The following CMIP variants were observed in gnomAD, a reference collection of about 807,000 sequenced individuals.
The protein encoded by CMIP is c-Maf inducing protein.
In CMIP, 13 loss-of-function variants were observed where a neutral mutation model predicts 97.3. That is an observed-to-expected ratio of 0.13 (90% confidence interval 0.09 to 0.21). The LOEUF (loss-of-function observed/expected upper bound fraction) is 0.21, where lower values mean the gene tolerates loss of function less well. CMIP is among the 10% of genes least tolerant of loss of function. The pLI is 1.00. For synonymous variants in CMIP, 538 were observed against 436.3 expected, an observed-to-expected ratio of 1.23 and a Z score of -2.91; for missense variants, 847 against 1,024.9, an observed-to-expected ratio of 0.83 and a Z score of 2.37.
In CMIP at chr16:81,445,261, C is replaced by T; in HGVS notation, c.20C>T (p.Ser7Leu). The T allele has an allele frequency of 1.3e-6, 2 of 1,536,792 alleles. No homozygotes were observed. Among genetic ancestry groups the T allele is most frequent in the East Asian group, 2.5e-5 (1 of 40,718 alleles). MDVTSS[S>L]GGGGDPRQIE... is the part of the protein sequence containing the mutation. Reference sequence around the variant, plus strand: ...GCGGCCATGGATGTGACCAGCAGCTCGGGCGGCGGCGGCGACCCCCGGCAG... The same window carrying T: ...GCGGCCATGGATGTGACCAGCAGCTTGGGCGGCGGCGGCGACCCCCGGCAG... The change falls in exon 1 of 21, where the codon TCG becomes TTG. Residue 7 changes from serine (S) to leucine (L), a missense_variant. This residue lies in a region of CMIP where 94 missense variants were observed against 79.9 expected (regional missense o/e 1.18). Coordinates refer to ENST00000537098, the MANE Select transcript of CMIP (RefSeq NM_198390.3).
chr16:81,663,820 T>A (rs919470426), intron 6 of CMIP, among the ~76,000 whole-genome samples: 21 of 152,094 alleles, frequency 1.4e-4, no homozygotes, highest in Admixed American at 4.6e-4. Flanking sequence ...CTTTACCCCC[T>A]GCCCAGGGAG....
At chr16:81,510,807 C>G (rs144877204) in intron 1 of CMIP, among the ~76,000 whole-genome samples, 4 of 152,260 alleles carry the variant, frequency 2.6e-5, no homozygotes, top group African/African-American at 9.6e-5. Context: ...GCAACCTCCA[C>G]CTCCCAGGTT....
intron 3 of CMIP, among the ~76,000 whole-genome samples, chr16:81,633,146 C>A (rs1005102852): frequency 6.6e-6 from 1 of 152,212 alleles, no homozygotes; most frequent in Non-Finnish European, 1.5e-5. Context: ...TTCTTTTTCT[C>A]GCCCTTTAAA....
intron 1 of CMIP, among the ~76,000 whole-genome samples, chr16:81,460,392 C>T (rs1278207461): frequency 3.9e-5 from 6 of 152,152 alleles, no homozygotes; most frequent in Non-Finnish European, 7.4e-5. Flanking sequence ...CCAGGTTTTT[C>T]TGTAACTGCT....
intron 1 of CMIP, among the ~76,000 whole-genome samples, chr16:81,450,105 G>T (rs1008008315): frequency 6.6e-6 from 1 of 152,188 alleles, no homozygotes; most frequent in Non-Finnish European, 1.5e-5. Flanking sequence ...CATTTCTGGG[G>T]CACTGTCCTG....
chr16:81,532,720 G>T (rs948764460), intron 1 of CMIP, among the ~76,000 whole-genome samples: 2 of 152,220 alleles, frequency 1.3e-5, no homozygotes, highest in Admixed American at 6.5e-5. Context: ...TGACATCAGA[G>T]TGTTGGGATG....
At chr16:81,656,213 A>G (rs1295953406) in intron 4 of CMIP, among the ~76,000 whole-genome samples, 1 of 152,202 alleles carries the variant, frequency 6.6e-6, no homozygotes, top group Non-Finnish European at 1.5e-5. Flanking sequence ...GGCCTCCCGC[A>G]GCCCTCGGGA....
At chr16:81,646,847 A>T (rs1310237181) in intron 3 of CMIP, among the ~76,000 whole-genome samples, 1 of 152,200 alleles carries the variant, frequency 6.6e-6, no homozygotes, top group Non-Finnish European at 1.5e-5. Context: ...TTGAATGGCT[A>T]TACCACATCT....
At position 81,495,784 on chromosome 16, in the gene CMIP, C is replaced by G. The variant is rs960252161; in HGVS notation, c.300+50243C>G. On this transcript the variant is annotated intron_variant, in intron 1 of 20. Coordinates refer to ENST00000537098, the MANE Select transcript of CMIP (RefSeq NM_198390.3). The stretch of plus-strand genomic sequence containing the variant: ...CCTGCTGTGGTCAGCCATGGCCACT[C>G]ACTCTCCTGGGGCATCTGCTGGCCT... Among the ~76,000 whole-genome samples, 6 of 152,352 alleles carry G rather than the reference C, an allele frequency of 3.9e-5. 1 individual carries two copies. Among genetic ancestry groups the G allele is most frequent in the South Asian group, 2.1e-4 (1 of 4,832 alleles).
chr16:81,617,506 C>G (rs562341184), intron 2 of CMIP: 56 of 152,402 alleles, frequency 3.7e-4, no homozygotes, highest in African/African-American at 1.2e-3. Context: ...GGAAGGCCCC[C>G]TAAGACTCAT....
chr16:81,596,569 T>C (rs73598433), intron 1 of CMIP, among the ~76,000 whole-genome samples: 5,330 of 150,948 alleles, frequency 0.035, 309 homozygotes, highest in African/African-American at 0.12. Context: ...AGTACACACA[T>C]TGTATACTGC....
At chr16:81,659,037 G>A (rs1386820699) in intron 5 of CMIP, among the ~76,000 whole-genome samples, 1 of 152,232 alleles carries the variant, frequency 6.6e-6, no homozygotes, top group African/African-American at 2.4e-5. Context: ...CTCTCAGTGG[G>A]TGTTTGCTAA....
At chr16:81,497,823 C>G (rs2089519962) in intron 1 of CMIP, among the ~76,000 whole-genome samples, 1 of 152,266 alleles carries the variant, frequency 6.6e-6, no homozygotes, top group Non-Finnish European at 1.5e-5. Flanking sequence ...CTGCTGCAGC[C>G]TCAAGGGCTA....
chr16:81,645,598 G>T, intron 3 of CMIP: 5 of 1,535,984 alleles, frequency 3.3e-6, no homozygotes, highest in Non-Finnish European at 4.4e-6. Flanking sequence ...GTGTTGCCCA[G>T]GTAACGTCCC....
intron 1 of CMIP, among the ~76,000 whole-genome samples, chr16:81,591,328 G>C (rs1200074101): frequency 6.6e-6 from 1 of 152,232 alleles, no homozygotes; most frequent in African/African-American, 2.4e-5. Flanking sequence ...TAAGGTGCCA[G>C]ATAGAGATGT....
At chr16:81,673,628 C>T (rs1261273456) in intron 9 of CMIP, among the ~76,000 whole-genome samples, 2 of 152,246 alleles carry the variant, frequency 1.3e-5, no homozygotes, top group South Asian at 2.1e-4. Context: ...CTGAGAGTTG[C>T]TCTGCTGAGA....
chr16:81,613,560 C>A (rs1185424891), intron 2 of CMIP, among the ~76,000 whole-genome samples: 1 of 152,186 alleles, frequency 6.6e-6, no homozygotes, highest in African/African-American at 2.4e-5. Context: ...ATACTTGTCT[C>A]CTTGCATATT....
At chr16:81,557,448 C>T (rs898304753) in intron 1 of CMIP, among the ~76,000 whole-genome samples, 6 of 152,086 alleles carry the variant, frequency 3.9e-5, no homozygotes, top group Middle Eastern at 3.4e-3. Context: ...AATTGACAAA[C>T]AATAGTTGTA....
intron 1 of CMIP, chr16:81,517,959 G>C (rs2089948367): frequency 1.0e-6 from 1 of 971,684 alleles, no homozygotes; most frequent in Non-Finnish European, 1.2e-6. Context: ...ATGAACGCCA[G>C]TGGATGTGTG....
Sources: allele counts gnomAD v4.1 joint callset (sites outside exome capture counted in the v4.1 genomes callset), GRCh38; gene constraint gnomAD v4.1.1; regional missense constraint gnomAD v4.1.1; transcripts MANE v1.5; gene names NCBI Gene and HGNC (gene_info 2026-07-23, HGNC 2026-07-21).